NHSL3: variants seen among roughly 807,000 people sequenced by gnomAD.
NHSL3 encodes NHS-like protein 3.
At chr1:32,765,789 G>A in the NHSL3 span, 2 of 1,547,576 alleles carry the variant, frequency 1.3e-6, no homozygotes, top group South Asian at 2.4e-5. Context: ...TTCGTTGGCC[G>A]CCGCCTCCCG....
chr1:32,760,694 G>A, the NHSL3 span, among the ~76,000 whole-genome samples: 875 of 151,794 alleles, frequency 5.8e-3, 12 homozygotes, highest in African/African-American at 0.02. Flanking sequence ...GGGTTCAAGC[G>A]ATTCTCCTGC....
At chr1:32,770,875 G>A in the NHSL3 span, 1 of 1,608,898 alleles carries the variant, frequency 6.2e-7, no homozygotes, top group African/African-American at 1.3e-5. This position sits in a 1 kb window ranked among gnomAD's most constrained non-coding sequence, Gnocchi z 8.3. Context: ...GTCTCCGGGT[G>A]GTTCCCGGCG....
chr1:32,757,665 C>T, the NHSL3 span, among the ~76,000 whole-genome samples: 1 of 152,094 alleles, frequency 6.6e-6, no homozygotes, highest in Non-Finnish European at 1.5e-5. Flanking sequence ...GTCCTTTGTC[C>T]TCCAACAGTC....
the NHSL3 span, among the ~76,000 whole-genome samples, chr1:32,758,247 C>A: frequency 6.6e-6 from 1 of 152,158 alleles, no homozygotes. Flanking sequence ...GAATTGGTAA[C>A]CCAGGAAGAC....
chr1:32,772,362 G>C, the NHSL3 span: 1 of 1,597,508 alleles, frequency 6.3e-7, no homozygotes. Context: ...CCCAGGACAG[G>C]ACTAAGAGGG....
At chr1:32,767,756 C>A in the NHSL3 span, 1 of 1,580,108 alleles carries the variant, frequency 6.3e-7, no homozygotes, top group South Asian at 1.1e-5. Context: ...GATGCCTTTA[C>A]CTCATTTCCC....
the NHSL3 span, chr1:32,770,162 T>C: frequency 1.9e-6 from 3 of 1,596,024 alleles, no homozygotes; most frequent in Admixed American, 3.4e-5. The surrounding 1 kb of genome is among the most constrained non-coding windows in gnomAD (Gnocchi z 8.3). Flanking sequence ...GTGCCTGGAT[T>C]GACAGGAGGG....
the NHSL3 span, among the ~76,000 whole-genome samples, chr1:32,764,863 CT>C: frequency 6.6e-6 from 1 of 152,216 alleles, no homozygotes; most frequent in Non-Finnish European, 1.5e-5. Flanking sequence ...TTTTCCAGTA[CT>C]TCTCCACCTC....
chr1:32,770,885 G>A, the NHSL3 span: 32 of 1,608,766 alleles, frequency 2.0e-5, no homozygotes, highest in African/African-American at 9.4e-5. The surrounding 1 kb of genome is among the most constrained non-coding windows in gnomAD (Gnocchi z 8.3). Context: ...GGTTCCCGGC[G>A]CCCCCCACGG....
chr1:32,767,002 T>C, the NHSL3 span, among the ~76,000 whole-genome samples: 2 of 152,142 alleles, frequency 1.3e-5, no homozygotes. Context: ...TGGGTCTTTC[T>C]TCTCCCCTCC....
At chr1:32,746,217 C>T in the NHSL3 span, among the ~76,000 whole-genome samples, 8 of 124,898 alleles carry the variant, frequency 6.4e-5, no homozygotes, top group Non-Finnish European at 1.3e-4. Context: ...GGCGACAGAG[C>T]GAGACTCCAG....
the NHSL3 span, among the ~76,000 whole-genome samples, chr1:32,747,792 G>A: frequency 2.6e-5 from 4 of 151,736 alleles, no homozygotes; most frequent in East Asian, 1.9e-4. Context: ...GTGAAACCCC[G>A]TCTCTACTAA....
chr1:32,773,614 TAGG>T, the NHSL3 span: 1 of 153,076 alleles, frequency 6.5e-6, no homozygotes. Context: ...TGGGGACAAG[TAGG>T]AGACTGCCAG....
chr1:32,756,619 T>TGAGACTG, the NHSL3 span, among the ~76,000 whole-genome samples: 1 of 129,522 alleles, frequency 7.7e-6, no homozygotes, highest in East Asian at 2.3e-4. Context: ...ATCGTGCCAG[T>TGAGACTG]GCACTCCAGT....
At chr1:32,753,128 C>A in the NHSL3 span, among the ~76,000 whole-genome samples, 6 of 151,478 alleles carry the variant, frequency 4.0e-5, no homozygotes, top group Non-Finnish European at 8.8e-5. Flanking sequence ...GCCACCAAGC[C>A]TGGCTAATTT....
At chr1:32,769,722 G>A in the NHSL3 span, 5 of 1,614,076 alleles carry the variant, frequency 3.1e-6, no homozygotes, top group East Asian at 2.2e-5. Context: ...GAAAGTCAGG[G>A]CGGCGTCGGC....
At chr1:32,769,299 C>CTTAA in the NHSL3 span, among the ~76,000 whole-genome samples, 1 of 152,026 alleles carries the variant, frequency 6.6e-6, no homozygotes, top group Non-Finnish European at 1.5e-5. Flanking sequence ...CTGTTGGAAG[C>CTTAA]CTGGTGTAAC....
the NHSL3 span, among the ~76,000 whole-genome samples, chr1:32,761,831 G>C: frequency 1.3e-5 from 2 of 152,098 alleles, no homozygotes; most frequent in Non-Finnish European, 2.9e-5. Flanking sequence ...GGTGGATCTG[G>C]CCTAAGAGGG....
chr1:32,752,960 T>G, the NHSL3 span, among the ~76,000 whole-genome samples: 2 of 18,574 alleles, frequency 1.1e-4, no homozygotes, highest in African/African-American at 2.5e-4. Flanking sequence ...CATATATATA[T>G]ATATATATTT....
Sources: gnomAD v4.1 joint callset for allele counts (sites outside exome capture counted in the v4.1 genomes callset) on GRCh38, gnomAD v4.1.1 for gene constraint, Gnocchi (gnomAD v3.1) non-coding constraint, MANE v1.5 for transcripts, NCBI Gene and HGNC (gene_info 2026-07-23, HGNC 2026-07-21) for gene names.